Variants in PRKCE observed in about 807,000 individuals in gnomAD.
PRKCE encodes the protein protein kinase C epsilon type.
In PRKCE, 16 loss-of-function variants were observed where a neutral mutation model predicts 85.4. That is an observed-to-expected ratio of 0.19 (90% confidence interval 0.13 to 0.28). The LOEUF (loss-of-function observed/expected upper bound fraction) is 0.28. Among genes scored for constraint, PRKCE ranks in the 10% least tolerant of loss-of-function variants. PRKCE has a pLI of 1.00. For missense variants in PRKCE, 573 were observed against 975.2 expected, an observed-to-expected ratio of 0.59 and a Z score of 5.49; for synonymous variants, 388 against 371.5, an observed-to-expected ratio of 1.04 and a Z score of -0.51.
At chr2:45,802,418 A>G (rs1295871285) in intron 1 of PRKCE, among the ~76,000 whole-genome samples, 2 of 152,148 alleles carry the variant, frequency 1.3e-5, no homozygotes, top group Non-Finnish European at 2.9e-5. Flanking sequence ...TTAATGATGC[A>G]TAAAGGTCCA....
intron 1 of PRKCE, among the ~76,000 whole-genome samples, chr2:45,735,889 C>T (rs1293041841): frequency 1.3e-5 from 2 of 152,218 alleles, no homozygotes; most frequent in Non-Finnish European, 2.9e-5. Flanking sequence ...AATTTGACAA[C>T]TACTATGTGC....
chr2:46,145,041 C>G lies in PRKCE; in HGVS notation c.1593-52C>G. The G allele has an allele frequency of 1.3e-6, 2 of 1,592,116 alleles. No individual in the cohort carries two copies. The highest frequency in any genetic ancestry group is 1.7e-6 in the Non-Finnish European group (2 of 1,174,098). ...GGCACATACCTCCAACTCAGGAAGA[C>G]TATATTGGGGTGAGTGACGTATTGA... On this transcript the variant is annotated intron_variant, in intron 11 of 14. Coordinates refer to ENST00000306156, the MANE Select transcript of PRKCE (RefSeq NM_005400.3). This position sits in a 1 kb window ranked among gnomAD's most constrained non-coding sequence, Gnocchi z 4.6.
At chr2:45,749,344 G>C (rs1309896974) in intron 1 of PRKCE, among the ~76,000 whole-genome samples, 2 of 152,202 alleles carry the variant, frequency 1.3e-5, no homozygotes, top group Admixed American at 6.5e-5. Context: ...CCATAGCTGA[G>C]AGATGTGATC....
At chr2:45,816,922 A>G (rs1245025048) in intron 1 of PRKCE, among the ~76,000 whole-genome samples, 2 of 152,200 alleles carry the variant, frequency 1.3e-5, no homozygotes, top group Non-Finnish European at 2.9e-5. Flanking sequence ...GTGAGGATGA[A>G]ATGATTAAAA....
intron 8 of PRKCE, among the ~76,000 whole-genome samples, chr2:46,005,931 G>A (rs528702391): frequency 2.0e-5 from 3 of 152,160 alleles, no homozygotes; most frequent in African/African-American, 7.2e-5. Context: ...GATCCCCTTT[G>A]GGAGCTTCAG....
At chr2:46,040,471 C>T (rs1350487290) in intron 10 of PRKCE, among the ~76,000 whole-genome samples, 23 of 152,152 alleles carry the variant, frequency 1.5e-4, no homozygotes, top group Non-Finnish European at 1.9e-4. Context: ...AAACATACTA[C>T]CTCCTGGCTC....
intron 6 of PRKCE, among the ~76,000 whole-genome samples, chr2:45,985,658 G>A (rs1311041429): frequency 6.6e-6 from 1 of 152,130 alleles, no homozygotes; most frequent in African/African-American, 2.4e-5. Flanking sequence ...GGGCTGCAGT[G>A]GGAATGAAGA....
At chr2:45,885,001 A>ATTTTTTTT (rs55883420) in intron 2 of PRKCE, among the ~76,000 whole-genome samples, 2 of 71,544 alleles carry the variant, frequency 2.8e-5, no homozygotes, top group Non-Finnish European at 5.4e-5. Context: ...ATATATATAT[A>ATTTTTTTT]TTTGTTGTTG....
At chr2:46,037,156 A>T (rs913856480) in intron 10 of PRKCE, among the ~76,000 whole-genome samples, 1 of 151,738 alleles carries the variant, frequency 6.6e-6, no homozygotes, top group African/African-American at 2.4e-5. Flanking sequence ...AGCCACAGAC[A>T]CCCTCCCCAG....
intron 1 of PRKCE, among the ~76,000 whole-genome samples, chr2:45,766,011 C>G (rs1258571263): frequency 1.3e-5 from 2 of 152,148 alleles, no homozygotes; most frequent in East Asian, 3.9e-4. Flanking sequence ...TGATCCCCTC[C>G]CCCACCTCCA....
At chr2:45,811,047 A>G (rs2105264196) in intron 1 of PRKCE, among the ~76,000 whole-genome samples, 1 of 152,282 alleles carries the variant, frequency 6.6e-6, no homozygotes, top group South Asian at 2.1e-4. Context: ...TCACATATAC[A>G]TTTGTTTGTA....
chr2:45,973,245 A>G (rs904547395), intron 2 of PRKCE, among the ~76,000 whole-genome samples: 3 of 152,182 alleles, frequency 2.0e-5, no homozygotes, highest in African/African-American at 4.8e-5. Flanking sequence ...TTCACATTGT[A>G]TAGGCCACTT....
At chr2:45,855,075 A>C (rs1200781946) in intron 2 of PRKCE, among the ~76,000 whole-genome samples, 1 of 152,214 alleles carries the variant, frequency 6.6e-6, no homozygotes, top group Non-Finnish European at 1.5e-5. Context: ...TATTAGCTAG[A>C]GGGCTGTATT....
chr2:45,714,246 C>T (rs1312060735), intron 1 of PRKCE, among the ~76,000 whole-genome samples: 1 of 152,152 alleles, frequency 6.6e-6, no homozygotes, highest in East Asian at 1.9e-4. Context: ...AGAAAGGGTA[C>T]TCTGAAGAGA....
intron 11 of PRKCE, among the ~76,000 whole-genome samples, chr2:46,121,566 C>T (rs749568812): frequency 2.6e-5 from 4 of 152,200 alleles, no homozygotes; most frequent in Non-Finnish European, 4.4e-5. Context: ...AGGGAATTTA[C>T]AGGACCCGGC....
At chr2:45,958,413 G>T (rs1701124456) in intron 2 of PRKCE, among the ~76,000 whole-genome samples, 1 of 150,750 alleles carries the variant, frequency 6.6e-6, no homozygotes, top group African/African-American at 2.4e-5. Context: ...GGAGGTTGAG[G>T]CAGGAGAATG....
intron 10 of PRKCE, among the ~76,000 whole-genome samples, chr2:46,024,152 A>G (rs1336240063): frequency 1.3e-5 from 2 of 152,156 alleles, no homozygotes; most frequent in South Asian, 2.1e-4. Flanking sequence ...TAAAATGGCA[A>G]TTGGTTGATT....
rs1362497053 is a variant in PRKCE at position 45,987,559 on chromosome 2, G to C, written c.823+2879G>C. ...AGCAAAATTGAGCAGAAAGTACAGA[G>C]AGTCCCTGTATTATGTGCCCCCCAA... On this transcript the variant is annotated intron_variant, in intron 6 of 14. Transcript: ENST00000306156. Among the ~76,000 whole-genome samples, 5 of 152,112 alleles carry C rather than the reference G, an allele frequency of 3.3e-5. No individual in the cohort carries two copies. In the South Asian group the frequency reaches 8.3e-4, roughly 25 times the overall value.
At chr2:45,952,542 A>T (rs1349640536) in intron 2 of PRKCE, among the ~76,000 whole-genome samples, 1 of 152,264 alleles carries the variant, frequency 6.6e-6, no homozygotes, top group African/African-American at 2.4e-5. Flanking sequence ...TTAAAGGAAC[A>T]TAAAGCAACC....
Sources: gnomAD v4.1 joint callset for allele counts (sites outside exome capture counted in the v4.1 genomes callset) on GRCh38, gnomAD v4.1.1 for gene constraint, Gnocchi (gnomAD v3.1) non-coding constraint, MANE v1.5 for transcripts, NCBI Gene and HGNC (gene_info 2026-07-23, HGNC 2026-07-21) for gene names.